MGAT4C: variants seen among roughly 807,000 people sequenced by gnomAD.
MGAT4C encodes the protein MGAT4 family member C.
Under a neutral mutation model 40.1 loss-of-function variants are expected in MGAT4C, and 19 were observed. The ratio of observed to expected loss-of-function variants is 0.47; its 90% CI spans 0.33 to 0.70. MGAT4C has a LOEUF of 0.70. Among genes scored for constraint, MGAT4C ranks in the 30% least tolerant of loss-of-function variants. The probability of loss-of-function intolerance (pLI) is 0.02; values close to 1 mark genes in which losing one functional copy is unlikely to be tolerated. For missense variants in MGAT4C, 491 were observed against 563.2 expected, an observed-to-expected ratio of 0.87 and a Z score of 1.30; for synonymous variants, 181 against 187.1, an observed-to-expected ratio of 0.97 and a Z score of 0.27.
chr12:86,825,985 C>A (rs1322240390), intron 1 of MGAT4C, among the ~76,000 whole-genome samples: 1 of 151,336 alleles, frequency 6.6e-6, no homozygotes, highest in African/African-American at 2.4e-5. Context: ...GTGCTAAGAG[C>A]CTACTTCAGA....
At chr12:86,317,319 T>G (rs1175187074) in intron 4 of MGAT4C, among the ~76,000 whole-genome samples, 1 of 150,040 alleles carries the variant, frequency 6.7e-6, no homozygotes, top group African/African-American at 2.5e-5. Flanking sequence ...AAGAGGAAAG[T>G]CAAAAAATAA....
intron 2 of MGAT4C, among the ~76,000 whole-genome samples, chr12:86,629,093 G>C (rs973250355): frequency 2.0e-5 from 3 of 151,896 alleles, no homozygotes; most frequent in Non-Finnish European, 2.9e-5. Context: ...AAAAAAACCA[G>C]GGGTTGCAAT....
rs779782833 is a variant in MGAT4C, at chr12:86,632,481, CA to C, written c.-229+94727del. On this transcript the variant is annotated intron_variant, in intron 2 of 7. Transcript: ENST00000548651. ...CATATATTTGTTGTGGCACTATTCA[CA>C]ATAGCAAAGACTTGGAACCAGCCCA... 7.6e-3 allele frequency among the ~76,000 whole-genome samples: 1,161 copies of C among 152,088 alleles called. 4 individuals are homozygous for C. Among genetic ancestry groups the C allele is most frequent in the Middle Eastern group, 0.027 (8 of 294 alleles).
intron 2 of MGAT4C, among the ~76,000 whole-genome samples, chr12:86,659,116 C>T (rs1342858840): frequency 1.3e-5 from 2 of 151,862 alleles, no homozygotes; most frequent in African/African-American, 4.8e-5. Context: ...GGATTATTAC[C>T]TTATATAAAA....
intron 1 of MGAT4C, among the ~76,000 whole-genome samples, chr12:86,201,375 T>C (rs1364796387): frequency 6.6e-6 from 1 of 151,586 alleles, no homozygotes; most frequent in Non-Finnish European, 1.5e-5. Flanking sequence ...TTTATTATTA[T>C]GTCAATAACA....
chr12:86,407,101 C>G (rs748399858), intron 3 of MGAT4C, among the ~76,000 whole-genome samples: 1 of 152,070 alleles, frequency 6.6e-6, no homozygotes, highest in Non-Finnish European at 1.5e-5. Context: ...CTCAGGGACA[C>G]ATTTATTGGC....
intron 2 of MGAT4C, among the ~76,000 whole-genome samples, chr12:86,696,755 C>A (rs879548086): frequency 1.1e-4 from 17 of 152,088 alleles, no homozygotes; most frequent in Non-Finnish European, 1.8e-4. Flanking sequence ...TAACACTGGT[C>A]ATGTGGCATT....
At chr12:86,268,532 C>T (rs566198802) in intron 4 of MGAT4C, among the ~76,000 whole-genome samples, 122 of 151,466 alleles carry the variant, frequency 8.1e-4, no homozygotes, top group African/African-American at 2.8e-3. Context: ...ATCTACCATA[C>T]TTTTACGGAC....
chr12:86,078,280 G>A (rs1220291784), intron 1 of MGAT4C, among the ~76,000 whole-genome samples: 1 of 152,154 alleles, frequency 6.6e-6, no homozygotes, highest in Non-Finnish European at 1.5e-5. Flanking sequence ...CCACCATTCT[G>A]TCAATCAAGC....
intron 2 of MGAT4C, among the ~76,000 whole-genome samples, chr12:86,439,610 T>C (rs1338142962): frequency 6.6e-6 from 1 of 151,660 alleles, no homozygotes; most frequent in African/African-American, 2.4e-5. Flanking sequence ...TAGCAGAAGA[T>C]AAACAACAAC....
chr12:86,593,782 C>T (rs1961424695), intron 2 of MGAT4C, among the ~76,000 whole-genome samples: 1 of 151,530 alleles, frequency 6.6e-6, no homozygotes, highest in Non-Finnish European at 1.5e-5. Flanking sequence ...ATTTGTCTAC[C>T]CTAGTGTTGG....
intron 2 of MGAT4C, among the ~76,000 whole-genome samples, chr12:86,639,125 C>G (rs1340484323): frequency 6.6e-6 from 1 of 151,738 alleles, no homozygotes. Flanking sequence ...TTGGGACACT[C>G]TGCTCTCTGT....
chr12:86,388,682 T>G (rs4480605), intron 3 of MGAT4C, among the ~76,000 whole-genome samples: 30,849 of 136,258 alleles, frequency 0.23, 3,847 homozygotes, highest in South Asian at 0.34. Flanking sequence ...TTTGTTTTTT[T>G]TTTTTTTTTT....
chr12:86,360,737 T>C (rs1251152392), intron 3 of MGAT4C, among the ~76,000 whole-genome samples: 2 of 152,116 alleles, frequency 1.3e-5, no homozygotes, highest in Non-Finnish European at 2.9e-5. Context: ...TCATTCACAA[T>C]TGCTTGAAAG....
intron 4 of MGAT4C, among the ~76,000 whole-genome samples, chr12:86,267,524 T>C (rs906355022): frequency 6.6e-6 from 1 of 152,164 alleles, no homozygotes; most frequent in African/African-American, 2.4e-5. Flanking sequence ...AATTTATAAA[T>C]TTTAAATAAA....
At chr12:86,801,482 T>C (rs958052476) in intron 1 of MGAT4C, among the ~76,000 whole-genome samples, 2 of 151,752 alleles carry the variant, frequency 1.3e-5, no homozygotes, top group African/African-American at 4.8e-5. Flanking sequence ...ATCCAGGGGA[T>C]AGGAGATCAA....
intron 1 of MGAT4C, among the ~76,000 whole-genome samples, chr12:86,173,271 A>C (rs1037428084): frequency 2.6e-5 from 4 of 152,114 alleles, no homozygotes; most frequent in African/African-American, 9.7e-5. Context: ...TTGGGCAACT[A>C]TATTTATTAT....
intron 1 of MGAT4C, among the ~76,000 whole-genome samples, chr12:86,213,224 A>AC (rs1330966884): frequency 6.9e-6 from 1 of 144,262 alleles, no homozygotes; most frequent in African/African-American, 2.5e-5. Flanking sequence ...ATCTAAATTG[A>AC]CAGATCAATT....
At chr12:86,450,091 C>T (rs991612534) in intron 2 of MGAT4C, among the ~76,000 whole-genome samples, 1 of 151,992 alleles carries the variant, frequency 6.6e-6, no homozygotes, top group Admixed American at 6.6e-5. Flanking sequence ...CCTATTTATA[C>T]TGTGAAGTAT....
Sources: allele counts gnomAD v4.1 joint callset (sites outside exome capture counted in the v4.1 genomes callset), GRCh38; gene constraint gnomAD v4.1.1; transcripts MANE v1.5; gene names NCBI Gene and HGNC (gene_info 2026-07-23, HGNC 2026-07-21).